GNAQ: variants seen among roughly 807,000 people sequenced by gnomAD.
GNAQ encodes the protein G protein subunit alpha q, also known as guanine nucleotide-binding protein G(q) subunit alpha.
In GNAQ, 8 loss-of-function variants were observed where a neutral mutation model predicts 43.9. The ratio of observed to expected loss-of-function variants is 0.18; its 90% CI spans 0.11 to 0.33. GNAQ has a LOEUF of 0.33. Ranked by LOEUF, GNAQ falls within the 10% of genes least tolerant of loss-of-function variation. GNAQ has a pLI of 1.00. For synonymous variants in GNAQ, 155 were observed against 170.7 expected, an observed-to-expected ratio of 0.91 and a Z score of 0.71; for missense variants, 158 against 450.8, an observed-to-expected ratio of 0.35 and a Z score of 5.88.
intron 5 of GNAQ, among the ~76,000 whole-genome samples, chr9:77,741,578 T>C (rs1435215676): frequency 6.6e-6 from 1 of 152,224 alleles, no homozygotes; most frequent in East Asian, 1.9e-4. Flanking sequence ...AGGCAATCAG[T>C]GTTTTAATTC....
At chr9:77,866,781 T>C (rs557887960) in intron 2 of GNAQ, among the ~76,000 whole-genome samples, 1 of 152,234 alleles carries the variant, frequency 6.6e-6, no homozygotes, top group African/African-American at 2.4e-5. Flanking sequence ...ATTTGGCCAA[T>C]ATTTTGTCTA....
In GNAQ at chr9:77,828,142, C is replaced by A. The variant is rs963537082; in HGVS notation, c.322-12372G>T. ...GGTATGGTGGTATGAGGTGACAAAC[C>A]ACTGCAGTTATAGACAGAAACTTCT... On this transcript the variant is annotated intron_variant, in intron 2 of 6. Transcript: ENST00000286548. Among the ~76,000 whole-genome samples the A allele has an allele frequency of 2.1e-5, 3 of 143,068 alleles. No individual in the cohort carries two copies. In the Admixed American group the frequency reaches 2.1e-4, roughly 10 times the overall value. 93.9% of individuals were successfully genotyped at this position (143,068 alleles called of 152,430 possible).
intron 1 of GNAQ, among the ~76,000 whole-genome samples, chr9:78,026,604 A>T (rs561234474): frequency 6.6e-6 from 1 of 152,230 alleles, no homozygotes; most frequent in South Asian, 2.1e-4. Context: ...CTTTCACTCA[A>T]TGGTTCTGAG....
intron 1 of GNAQ, among the ~76,000 whole-genome samples, chr9:78,006,686 G>A (rs999365648): frequency 1.3e-5 from 2 of 152,128 alleles, no homozygotes; most frequent in Non-Finnish European, 1.5e-5. Flanking sequence ...AAGTTATGAT[G>A]GAAATTGAGT....
chr9:77,840,888 A>G (rs1037742308), intron 2 of GNAQ, among the ~76,000 whole-genome samples: 1 of 152,102 alleles, frequency 6.6e-6, no homozygotes, highest in Non-Finnish European at 1.5e-5. Flanking sequence ...CCCTTCAGGG[A>G]GAGCACTGGA....
chr9:77,797,325 G>A (rs1826673872), intron 4 of GNAQ, among the ~76,000 whole-genome samples, 195 bp downstream of exon 4: 1 of 152,162 alleles, frequency 6.6e-6, no homozygotes, highest in African/African-American at 2.4e-5. Flanking sequence ...GAGCCACCGC[G>A]CCCGGCCTCC....
intron 2 of GNAQ, among the ~76,000 whole-genome samples, chr9:77,863,212 A>AAGGG: frequency 6.9e-6 from 1 of 145,860 alleles, no homozygotes; most frequent in South Asian, 2.1e-4. Flanking sequence ...GGAAGGAAGG[A>AAGGG]AGGAAGGGAG....
intron 1 of GNAQ, among the ~76,000 whole-genome samples, chr9:78,004,704 G>T (rs954394862): frequency 3.9e-5 from 6 of 152,022 alleles, no homozygotes; most frequent in Admixed American, 2.0e-4. Flanking sequence ...AACGTCATAG[G>T]AGTCAACAGA....
At chr9:78,024,968 G>A (rs1823959013) in intron 1 of GNAQ, among the ~76,000 whole-genome samples, 2 of 152,056 alleles carry the variant, frequency 1.3e-5, no homozygotes, top group African/African-American at 4.8e-5. Context: ...AACCATAAAG[G>A]CTTTTAACAA....
At chr9:77,960,524 T>C (rs568913830) in intron 1 of GNAQ, among the ~76,000 whole-genome samples, 1 of 151,790 alleles carries the variant, frequency 6.6e-6, no homozygotes, top group East Asian at 1.9e-4. Flanking sequence ...CTAAAGGAGG[T>C]GGTTGGTGGC....
At chr9:77,935,783 A>C (rs1246652934) in intron 1 of GNAQ, among the ~76,000 whole-genome samples, 2 of 152,174 alleles carry the variant, frequency 1.3e-5, no homozygotes, top group Non-Finnish European at 2.9e-5. Flanking sequence ...TCCAGTATTC[A>C]ATCCAGTGAC....
At chr9:77,826,069 C>A (rs1217731243) in intron 2 of GNAQ, among the ~76,000 whole-genome samples, 1 of 152,202 alleles carries the variant, frequency 6.6e-6, no homozygotes, top group Non-Finnish European at 1.5e-5. Context: ...AACACTGCAT[C>A]CATATTCCAA....
chr9:77,839,389 T>A (rs1025717808), intron 2 of GNAQ, among the ~76,000 whole-genome samples: 1 of 152,216 alleles, frequency 6.6e-6, no homozygotes, highest in Admixed American at 6.5e-5. Context: ...AATCATTACA[T>A]CTCTCAACTT....
At chr9:77,760,173 T>C (rs1825971263) in intron 5 of GNAQ, among the ~76,000 whole-genome samples, 2 of 148,430 alleles carry the variant, frequency 1.3e-5, no homozygotes, top group African/African-American at 4.9e-5. Flanking sequence ...CCCACCTCTA[T>C]CTAGTTCGAA....
intron 5 of GNAQ, among the ~76,000 whole-genome samples, chr9:77,742,546 A>G (rs1359116300): frequency 6.6e-6 from 1 of 152,066 alleles, no homozygotes; most frequent in Non-Finnish European, 1.5e-5. Flanking sequence ...TTGCATTATG[A>G]CCTATTACTA....
chr9:77,880,474 G>A (rs1484503433), intron 2 of GNAQ, among the ~76,000 whole-genome samples: 1 of 151,934 alleles, frequency 6.6e-6, no homozygotes, highest in Non-Finnish European at 1.5e-5. Flanking sequence ...TTGAACTCCT[G>A]GGATCAAGCG....
At chr9:77,739,919 A>T (rs1825628726) in intron 5 of GNAQ, among the ~76,000 whole-genome samples, 1 of 152,196 alleles carries the variant, frequency 6.6e-6, no homozygotes, top group Non-Finnish European at 1.5e-5. Flanking sequence ...GAGCTAAGAA[A>T]CACTAAATAC....
chr9:77,938,759 T>C (rs1486270568), intron 1 of GNAQ, among the ~76,000 whole-genome samples: 1 of 152,204 alleles, frequency 6.6e-6, no homozygotes, highest in Non-Finnish European at 1.5e-5. Flanking sequence ...CACTTTTAGC[T>C]GTGTTACGTT....
intron 5 of GNAQ, among the ~76,000 whole-genome samples, chr9:77,754,365 C>T (rs981927265): frequency 6.6e-6 from 1 of 152,164 alleles, no homozygotes; most frequent in Non-Finnish European, 1.5e-5. Context: ...TAACATAGTT[C>T]CTGGGACACT....
Sources: allele counts gnomAD v4.1 joint callset (sites outside exome capture counted in the v4.1 genomes callset), GRCh38; gene constraint gnomAD v4.1.1; transcripts MANE v1.5; gene names NCBI Gene and HGNC (gene_info 2026-07-23, HGNC 2026-07-21).